The following SGCZ variants were observed in gnomAD, a reference collection of about 807,000 sequenced individuals.
SGCZ encodes zeta-sarcoglycan.
A neutral mutation model predicts 41.3 loss-of-function variants in SGCZ; 40 were observed. The observed-to-expected ratio is 0.97, with a 90% CI of 0.75 to 1.26. The LOEUF is 1.26. SGCZ is among the 50% of genes most tolerant of loss of function. The probability of loss-of-function intolerance (pLI) is 0.00; values close to 1 mark genes in which losing one functional copy is unlikely to be tolerated. For missense variants in SGCZ, 552 were observed against 369.8 expected (o/e 1.49, Z -4.04); for synonymous variants, 206 against 137.5 (o/e 1.50, Z -3.49).
chr8:14,680,833 A>G (rs192608958), intron 1 of SGCZ, among the ~76,000 whole-genome samples: 17 of 152,170 alleles, frequency 1.1e-4, no homozygotes, highest in African/African-American at 3.4e-4. Context: ...AGATGAAAAT[A>G]CAGTGTCTTA....
At chr8:15,182,572 G>C (rs917090058) in intron 1 of SGCZ, among the ~76,000 whole-genome samples, 2 of 152,066 alleles carry the variant, frequency 1.3e-5, no homozygotes, top group Non-Finnish European at 2.9e-5. Flanking sequence ...CAGCATAAAA[G>C]ATTTTTTTAA....
intron 3 of SGCZ, among the ~76,000 whole-genome samples, chr8:14,292,142 T>G (rs1311781258): frequency 6.6e-6 from 1 of 152,030 alleles, no homozygotes; most frequent in Non-Finnish European, 1.5e-5. Context: ...ATCAATGTAA[T>G]AAAAACTTAT....
chr8:14,469,139 A>C lies in SGCZ; in HGVS notation c.234+85593T>G, dbSNP rs551806065. Among the ~76,000 whole-genome samples the C allele has an allele frequency of 1.6e-4, 25 of 152,162 alleles. 1 individual carries two copies. In the South Asian group the frequency reaches 5.0e-3, roughly 30 times the overall value. On this transcript the variant is annotated intron_variant, in intron 2 of 7. Coordinates refer to ENST00000382080, the MANE Select transcript of SGCZ (RefSeq NM_139167.4). Reference sequence around the variant, plus strand: ...TCCTACCCCTCCACTTTTTGCTTCAATGGTGCCCTATCATTTCTAAGGAAA... The same window carrying C: ...TCCTACCCCTCCACTTTTTGCTTCACTGGTGCCCTATCATTTCTAAGGAAA...
At chr8:14,909,870 G>C (rs991069143) in intron 1 of SGCZ, among the ~76,000 whole-genome samples, 6 of 152,074 alleles carry the variant, frequency 3.9e-5, no homozygotes, top group Non-Finnish European at 8.8e-5. Flanking sequence ...TTTGACCAGT[G>C]TAGCTATATA....
At chr8:14,254,125 G>A (rs376629944) in intron 3 of SGCZ, among the ~76,000 whole-genome samples, 1 of 152,070 alleles carries the variant, frequency 6.6e-6, no homozygotes, top group Non-Finnish European at 1.5e-5. Context: ...TAAACCATGA[G>A]AAATAAATGT....
chr8:14,093,875 C>A (rs1801762992), intron 7 of SGCZ, among the ~76,000 whole-genome samples: 1 of 152,008 alleles, frequency 6.6e-6, no homozygotes, highest in Non-Finnish European at 1.5e-5. Context: ...AGTAAAAATC[C>A]ATTTGTAATG....
chr8:14,701,489 G>A (rs1417431355), intron 1 of SGCZ, among the ~76,000 whole-genome samples: 1 of 151,872 alleles, frequency 6.6e-6, no homozygotes, highest in African/African-American at 2.4e-5. Flanking sequence ...CTACTTCTAA[G>A]CAGATGGATG....
chr8:15,122,258 G>A (rs1193597079), intron 1 of SGCZ, among the ~76,000 whole-genome samples: 1 of 151,984 alleles, frequency 6.6e-6, no homozygotes. Flanking sequence ...AGGCTTAATG[G>A]GAATTGTGGT....
At chr8:14,516,227 A>G (rs753567598) in intron 2 of SGCZ, among the ~76,000 whole-genome samples, 9 of 151,936 alleles carry the variant, frequency 5.9e-5, no homozygotes, top group Non-Finnish European at 1.3e-4. Context: ...TTTGCTGTAC[A>G]GATTATTTCA....
chr8:14,190,264 G>A lies in SGCZ; in HGVS notation c.425-25562C>T, dbSNP rs547303107. Among the ~76,000 whole-genome samples, 45 of 151,774 alleles carry A rather than the reference G, an allele frequency of 3.0e-4. No individual in the cohort carries two copies. In the South Asian group the frequency reaches 6.0e-3, roughly 20 times the overall value. The stretch of plus-strand genomic sequence containing the variant: ...CCTGACCTTGTGATCCGCCCACCTC[G>A]GCCTCCCAAAGTGCCAGGATTACAG... On this transcript the variant is annotated intron_variant, in intron 4 of 7. Coordinates refer to ENST00000382080, the MANE Select transcript of SGCZ (RefSeq NM_139167.4).
At chr8:14,721,728 C>T (rs533966449) in intron 1 of SGCZ, among the ~76,000 whole-genome samples, 3 of 152,312 alleles carry the variant, frequency 2.0e-5, no homozygotes, top group Admixed American at 2.0e-4. Flanking sequence ...TCATAACTCA[C>T]ATCTCATTTA....
chr8:15,159,501 C>T (rs187822442), intron 1 of SGCZ, among the ~76,000 whole-genome samples: 1 of 152,224 alleles, frequency 6.6e-6, no homozygotes, highest in African/African-American at 2.4e-5. Context: ...GAGCCCTCAA[C>T]CTGTGGCATC....
intron 3 of SGCZ, among the ~76,000 whole-genome samples, chr8:14,265,751 AG>A (rs1401196998): frequency 6.6e-6 from 1 of 152,014 alleles, no homozygotes; most frequent in South Asian, 2.1e-4. Flanking sequence ...TTATTTAAAA[AG>A]AAAAAAAAAA....
At chr8:14,750,732 C>T (rs1799473536) in intron 1 of SGCZ, among the ~76,000 whole-genome samples, 2 of 152,170 alleles carry the variant, frequency 1.3e-5, no homozygotes, top group African/African-American at 4.8e-5. Context: ...GATGACATGT[C>T]TGGGTATGCA....
chr8:14,852,187 A>G (rs1274170195), intron 1 of SGCZ, among the ~76,000 whole-genome samples: 3 of 152,144 alleles, frequency 2.0e-5, no homozygotes, highest in Non-Finnish European at 2.9e-5. Flanking sequence ...CAAAATCTCA[A>G]GCGCAATATT....
intron 1 of SGCZ, among the ~76,000 whole-genome samples, chr8:15,146,598 T>C (rs1016090674): frequency 6.6e-5 from 10 of 152,234 alleles, no homozygotes; most frequent in Admixed American, 6.5e-4. Flanking sequence ...GTTTGTAGCT[T>C]TAGTGTTATA....
chr8:15,230,161 G>A (rs1444642454), intron 1 of SGCZ, among the ~76,000 whole-genome samples: 5 of 146,920 alleles, frequency 3.4e-5, no homozygotes, highest in African/African-American at 1.3e-4. Context: ...ACTAAAATAA[G>A]TCACTATGAA....
intron 1 of SGCZ, among the ~76,000 whole-genome samples, chr8:14,757,167 G>T (rs1235254916): frequency 6.6e-6 from 1 of 152,082 alleles, no homozygotes; most frequent in African/African-American, 2.4e-5. Context: ...TCCTGCCTCA[G>T]CCTCCCTAGT....
chr8:14,376,584 C>T (rs1324218944), intron 2 of SGCZ, among the ~76,000 whole-genome samples: 1 of 151,888 alleles, frequency 6.6e-6, no homozygotes, highest in African/African-American at 2.4e-5. Context: ...AAGACTCTAC[C>T]CAACCTTCAA....
Sources: allele counts gnomAD v4.1 joint callset (sites outside exome capture counted in the v4.1 genomes callset), GRCh38; gene constraint gnomAD v4.1.1; transcripts MANE v1.5; gene names NCBI Gene and HGNC (gene_info 2026-07-23, HGNC 2026-07-21).